The following DOCK1 variants were observed in gnomAD, a reference collection of about 807,000 sequenced individuals.
The protein encoded by DOCK1 is dedicator of cytokinesis protein 1.
Under a neutral mutation model 262.7 loss-of-function variants are expected in DOCK1, and 138 were observed. The ratio of observed to expected loss-of-function variants is 0.53; its 90% CI spans 0.46 to 0.61. The LOEUF is 0.61. DOCK1 is among the 20% of genes least tolerant of loss of function. DOCK1 has a pLI of 0.00. For synonymous variants in DOCK1, 866 were observed against 867.4 expected (o/e 1.00, Z 0.03); for missense variants, 1,908 against 2,370.7 (o/e 0.80, Z 4.05).
At chr10:127,076,525 AC>A (rs935331250) in intron 23 of DOCK1, among the ~76,000 whole-genome samples, 1 of 152,104 alleles carries the variant, frequency 6.6e-6, no homozygotes, top group African/African-American at 2.4e-5. Flanking sequence ...AATACCAAGA[AC>A]CAGAAAACGG....
Position 127,175,626 on chromosome 10 carries a change from T to C in DOCK1, c.2847+47862T>C, listed in dbSNP as rs761165368. 1 of 1,613,140 alleles carries C rather than the reference T, an allele frequency of 6.2e-7. No homozygotes were observed. Among genetic ancestry groups the C allele is most frequent in the Non-Finnish European group, 8.5e-7 (1 of 1,179,912 alleles). Reference sequence around the variant, plus strand: ...GGCCCTGGCACTGAGGGCAGGTGCGTAAACGGTGGCAACCTCCGTTTTAAA... The same window carrying C: ...GGCCCTGGCACTGAGGGCAGGTGCGCAAACGGTGGCAACCTCCGTTTTAAA... On this transcript the variant is annotated intron_variant, in intron 27 of 51. Coordinates refer to ENST00000623213, the MANE Select transcript of DOCK1 (RefSeq NM_001290223.2). This position sits in a 1 kb window ranked among gnomAD's most constrained non-coding sequence, Gnocchi z 6.3.
intron 27 of DOCK1, among the ~76,000 whole-genome samples, chr10:127,157,116 T>G (rs1160096243): frequency 6.6e-6 from 1 of 152,218 alleles, no homozygotes; most frequent in Admixed American, 6.5e-5. Flanking sequence ...GGTTAATTTT[T>G]GATACTGCTG....
chr10:127,420,121 C>G (rs2068411119), intron 46 of DOCK1, among the ~76,000 whole-genome samples: 1 of 152,220 alleles, frequency 6.6e-6, no homozygotes, highest in South Asian at 2.1e-4. Flanking sequence ...CCAGTGCAGT[C>G]CCTGTGAAAC....
chr10:127,081,263 C>T (rs1484575090), intron 23 of DOCK1, among the ~76,000 whole-genome samples: 2 of 152,090 alleles, frequency 1.3e-5, no homozygotes, highest in African/African-American at 4.8e-5. Flanking sequence ...CTTGTTTCTA[C>T]AGGTTTGTCC....
At chr10:127,028,057 G>A (rs1302517839) in intron 16 of DOCK1, among the ~76,000 whole-genome samples, 1 of 151,272 alleles carries the variant, frequency 6.6e-6, no homozygotes, top group Admixed American at 6.6e-5. Flanking sequence ...GGTGGTGCAT[G>A]GCGGGGGAGT....
intron 2 of DOCK1, among the ~76,000 whole-genome samples, chr10:126,975,742 C>T (rs1174841998): frequency 6.6e-6 from 1 of 151,480 alleles, no homozygotes; most frequent in Non-Finnish European, 1.5e-5. Context: ...CTCAGCTTCC[C>T]GAGTACCTGG....
intron 48 of DOCK1, among the ~76,000 whole-genome samples, chr10:127,435,191 A>C (rs1325244544): frequency 6.6e-6 from 1 of 152,180 alleles, no homozygotes; most frequent in African/African-American, 2.4e-5. Context: ...CAAAAAGAAA[A>C]AAATGTTGCA....
At chr10:127,084,237 G>A (rs1340115537) in intron 23 of DOCK1, among the ~76,000 whole-genome samples, 1 of 152,150 alleles carries the variant, frequency 6.6e-6, no homozygotes, top group Non-Finnish European at 1.5e-5. Flanking sequence ...AGTTAAATGT[G>A]TGTATGTTCT....
At chr10:127,013,063 C>A (rs2041593261) in intron 12 of DOCK1, among the ~76,000 whole-genome samples, 1 of 152,210 alleles carries the variant, frequency 6.6e-6, no homozygotes, top group Non-Finnish European at 1.5e-5. Context: ...CGTCCAGCTA[C>A]CTTATGTCAC....
At chr10:127,052,197 T>C (rs1372904377) in intron 21 of DOCK1, among the ~76,000 whole-genome samples, 1 of 152,242 alleles carries the variant, frequency 6.6e-6, no homozygotes, top group Non-Finnish European at 1.5e-5. Flanking sequence ...GCCTTTGCTC[T>C]CAGAGGTATT....
Position 126,991,518 on chromosome 10 carries a change from G to GT in DOCK1, c.473+925dup, listed in dbSNP as rs1176056258. 1.7e-3 allele frequency among the ~76,000 whole-genome samples: 247 copies of GT among 147,832 alleles called. 2 individuals carry two copies. Among genetic ancestry groups the GT allele is most frequent in the African/African-American group, 5.4e-3 (219 of 40,380 alleles). ...GGGATGCTGGCTGGAAATCTCCAGT[G>GT]TTTTTTTTTTGTTTGTTTGTTTTTT... On this transcript the variant is annotated intron_variant, in intron 6 of 51. Coordinates refer to ENST00000623213, the MANE Select transcript of DOCK1 (RefSeq NM_001290223.2).
intron 1 of DOCK1, among the ~76,000 whole-genome samples, chr10:126,950,676 G>T (rs956039355): frequency 6.6e-6 from 1 of 152,164 alleles, no homozygotes; most frequent in Non-Finnish European, 1.5e-5. Flanking sequence ...ATGCCTGGAG[G>T]TGGGGCGGCA....
At chr10:126,959,908 C>G (rs2037064866) in intron 1 of DOCK1, among the ~76,000 whole-genome samples, 1 of 152,042 alleles carries the variant, frequency 6.6e-6, no homozygotes, top group African/African-American at 2.4e-5. Context: ...ACCCCCGCCT[C>G]CCGGGTTTCT....
intron 23 of DOCK1, among the ~76,000 whole-genome samples, chr10:127,085,041 A>T (rs2047115354): frequency 6.6e-6 from 1 of 152,124 alleles, no homozygotes; most frequent in African/African-American, 2.4e-5. Flanking sequence ...CCAAAGCTTG[A>T]TTCTCACCTC....
chr10:127,324,531 G>A lies in DOCK1; in HGVS notation c.3045-14475G>A, dbSNP rs374742452. The stretch of plus-strand genomic sequence containing the variant: ...TCTAAACCCATTTTGCAGATGTGGC[G>A]GCTGAGGTCTCATCCAGCACCCAGT... On this transcript the variant is annotated intron_variant, in intron 29 of 51. Transcript: ENST00000623213. Among the ~76,000 whole-genome samples, 22 of 152,096 alleles carry A rather than the reference G, an allele frequency of 1.4e-4. No homozygotes were observed. In the South Asian group the frequency reaches 3.5e-3, roughly 24 times the overall value.
chr10:127,350,468 C>T (rs1056093199), intron 31 of DOCK1, among the ~76,000 whole-genome samples: 31 of 152,180 alleles, frequency 2.0e-4, no homozygotes, highest in African/African-American at 7.5e-4. Flanking sequence ...TTCGTCTCTC[C>T]TTCAAATCTC....
At chr10:127,194,778 T>C (rs2056986432) in intron 27 of DOCK1, among the ~76,000 whole-genome samples, 1 of 152,218 alleles carries the variant, frequency 6.6e-6, no homozygotes, top group Admixed American at 6.5e-5. Flanking sequence ...TGTAGTCTTC[T>C]GAAATGATCG....
In DOCK1 at chr10:127,419,712, A is replaced by G. The variant is rs1417724348; in HGVS notation, c.4739A>G (p.Glu1580Gly). The change falls in exon 46 of 52, where the codon GAA (glutamate) becomes GGA (glycine). Residue 1580 changes from glutamate (E) to glycine (G), a missense_variant. By Grantham distance (98) the Glu-to-Gly change is moderately conservative (BLOSUM62 -2). Coordinates refer to ENST00000623213, the MANE Select transcript of DOCK1 (RefSeq NM_001290223.2). ...RYLQEHPEAH[E>G]KIEKLKDLIA... is the part of the protein sequence containing the mutation. ...CTGCAGGAGCACCCTGAGGCCCATG[A>G]AAAGATCGAGAAGCTCAAGGACCTG... 1 of 1,605,360 alleles carries G rather than the reference A, an allele frequency of 6.2e-7. No individual in the cohort carries two copies.
intron 2 of DOCK1, among the ~76,000 whole-genome samples, chr10:126,974,818 C>A (rs1040853443): frequency 2.0e-5 from 3 of 152,056 alleles, no homozygotes; most frequent in Admixed American, 6.6e-5. Context: ...CCAGTGTGGT[C>A]TCTGGTACAT....
Sources: allele counts gnomAD v4.1 joint callset (sites outside exome capture counted in the v4.1 genomes callset), GRCh38; gene constraint gnomAD v4.1.1; non-coding constraint Gnocchi (gnomAD v3.1); transcripts MANE v1.5; gene names NCBI Gene and HGNC (gene_info 2026-07-23, HGNC 2026-07-21).